The following SLC38A12 variants were observed in gnomAD, a reference collection of about 807,000 sequenced individuals.
The protein encoded by SLC38A12 is putative sodium-coupled neutral amino acid transporter 12.
At chr17:74,794,646 A>T in the SLC38A12 span, among the ~76,000 whole-genome samples, 1 of 152,044 alleles carries the variant, frequency 6.6e-6, no homozygotes, top group Non-Finnish European at 1.5e-5. Context: ...CCCAGCCCAG[A>T]CGCACCTGGG....
the SLC38A12 span, among the ~76,000 whole-genome samples, chr17:74,807,917 G>A: frequency 6.6e-6 from 1 of 152,214 alleles, no homozygotes; most frequent in Non-Finnish European, 1.5e-5. Context: ...ATGTGCAGGT[G>A]CTAGATTCCG....
At chr17:74,804,854 G>T in the SLC38A12 span, among the ~76,000 whole-genome samples, 1 of 152,358 alleles carries the variant, frequency 6.6e-6, no homozygotes, top group Non-Finnish European at 1.5e-5. Context: ...CTACTGCAGG[G>T]AGGCTGTGCT....
chr17:74,811,460 C>T, the SLC38A12 span, among the ~76,000 whole-genome samples: 1 of 152,170 alleles, frequency 6.6e-6, no homozygotes, highest in Non-Finnish European at 1.5e-5. Context: ...GTGGCTCAGG[C>T]CTGTAATTCC....
At chr17:74,820,831 A>G in the SLC38A12 span, among the ~76,000 whole-genome samples, 1 of 152,064 alleles carries the variant, frequency 6.6e-6, no homozygotes, top group Non-Finnish European at 1.5e-5. Flanking sequence ...TCCTGATTCC[A>G]TGCCAGGACT....
the SLC38A12 span, chr17:74,837,192 AC>A: frequency 1.0e-6 from 1 of 985,850 alleles, no homozygotes; most frequent in Non-Finnish European, 1.2e-6. Flanking sequence ...TCTGCCTGTG[AC>A]GGCAGGGCCC....
At chr17:74,776,579 T>TGTTGG in the SLC38A12 span, 3 of 111,370 alleles carry the variant, frequency 2.7e-5, no homozygotes, top group Admixed American at 9.2e-5. Flanking sequence ...GTGCTGCAGG[T>TGTTGG]GTTGGGTCGG....
the SLC38A12 span, chr17:74,837,476 C>T: frequency 8.1e-6 from 8 of 985,494 alleles, no homozygotes; most frequent in Non-Finnish European, 9.6e-6. Flanking sequence ...CTCAGGGCCT[C>T]CTACAGTGCA....
At chr17:74,795,798 C>T in the SLC38A12 span, among the ~76,000 whole-genome samples, 1 of 152,178 alleles carries the variant, frequency 6.6e-6, no homozygotes, top group Non-Finnish European at 1.5e-5. Context: ...AGAAATGGAT[C>T]GTGTCACTAA....
At chr17:74,777,793 A>C in the SLC38A12 span, 3 of 394,092 alleles carry the variant, frequency 7.6e-6, no homozygotes, top group South Asian at 1.9e-5. Context: ...GTGGCACTGT[A>C]ATCCCAGCTA....
At chr17:74,800,500 G>T in the SLC38A12 span, among the ~76,000 whole-genome samples, 1 of 152,252 alleles carries the variant, frequency 6.6e-6, no homozygotes, top group African/African-American at 2.4e-5. Flanking sequence ...TGGGGCTGTG[G>T]CATCTGTTAA....
At chr17:74,810,044 G>C in the SLC38A12 span, among the ~76,000 whole-genome samples, 2 of 152,196 alleles carry the variant, frequency 1.3e-5, no homozygotes, top group African/African-American at 4.8e-5. Flanking sequence ...GGCCGCTTTG[G>C]AACACGCTGC....
the SLC38A12 span, among the ~76,000 whole-genome samples, chr17:74,782,822 G>A: frequency 0.031 from 4,743 of 152,250 alleles, 237 homozygotes; most frequent in African/African-American, 0.11. Flanking sequence ...TCTGGGATTT[G>A]TCTGTGGGAT....
the SLC38A12 span, chr17:74,795,754 AC>A: frequency 1.3e-6 from 1 of 752,398 alleles, no homozygotes; most frequent in Non-Finnish European, 2.2e-6. Flanking sequence ...TCTTCTCCAC[AC>A]TCTGGCTAAG....
chr17:74,792,097 G>A, the SLC38A12 span, among the ~76,000 whole-genome samples: 1 of 151,468 alleles, frequency 6.6e-6, no homozygotes, highest in Admixed American at 6.6e-5. Context: ...AGTGAGCCAA[G>A]ATCGCGCCAC....
the SLC38A12 span, among the ~76,000 whole-genome samples, chr17:74,816,109 A>T: frequency 1.3e-5 from 2 of 152,218 alleles, no homozygotes; most frequent in African/African-American, 2.4e-5. Flanking sequence ...TACTGTGCTT[A>T]AATCTCATTT....
At chr17:74,806,338 C>T in the SLC38A12 span, among the ~76,000 whole-genome samples, 3 of 152,288 alleles carry the variant, frequency 2.0e-5, no homozygotes, top group East Asian at 3.9e-4. Context: ...ACTGTGACCC[C>T]GGCTAACCCA....
At chr17:74,825,769 C>T in the SLC38A12 span, among the ~76,000 whole-genome samples, 4 of 152,150 alleles carry the variant, frequency 2.6e-5, no homozygotes, top group Non-Finnish European at 4.4e-5. Context: ...TCTGACCCGA[C>T]GATGGTGATG....
chr17:74,812,524 A>G, the SLC38A12 span, among the ~76,000 whole-genome samples: 4 of 152,060 alleles, frequency 2.6e-5, no homozygotes, highest in East Asian at 1.9e-4. Context: ...CTGAGTTGCC[A>G]TTAACCCCAA....
chr17:74,788,068 A>G, the SLC38A12 span, among the ~76,000 whole-genome samples: 1 of 152,152 alleles, frequency 6.6e-6, no homozygotes, highest in African/African-American at 2.4e-5. Context: ...TGCTGGGTTT[A>G]CAGGCATGAG....
Sources: gnomAD v4.1 joint callset for allele counts (sites outside exome capture counted in the v4.1 genomes callset) on GRCh38, gnomAD v4.1.1 for gene constraint, MANE v1.5 for transcripts, NCBI Gene and HGNC (gene_info 2026-07-23, HGNC 2026-07-21) for gene names.